A1CF: variants seen among roughly 807,000 people sequenced by gnomAD.
The protein encoded by A1CF is APOBEC-1 stimulating protein.
A1CF carries 48 observed loss-of-function variants against 68.9 expected under a neutral mutation model. The observed-to-expected ratio is 0.70, with a 90% CI of 0.55 to 0.89. The LOEUF (loss-of-function observed/expected upper bound fraction) is 0.89. A1CF is among the 40% of genes least tolerant of loss of function. The probability of loss-of-function intolerance (pLI) is 0.00; values close to 1 mark genes in which losing one functional copy is unlikely to be tolerated. For missense variants in A1CF, 653 were observed against 718.9 expected (o/e 0.91, Z 1.05); for synonymous variants, 272 against 260.4 (o/e 1.04, Z -0.43).
At chr10:50,846,485 TAA>T in intron 3 of A1CF, among the ~76,000 whole-genome samples, 1 of 152,330 alleles carries the variant, frequency 6.6e-6, no homozygotes, top group African/African-American at 2.4e-5. Flanking sequence ...TTGATGTCTG[TAA>T]CATTCAACAG....
In A1CF at chr10:50,836,103, G is replaced by A; in HGVS notation, c.575C>T (p.Ala192Val). The A allele has an allele frequency of 6.2e-7, 1 of 1,612,050 alleles. No individual in the cohort carries two copies. Among genetic ancestry groups the A allele is most frequent in the East Asian group, 2.2e-5 (1 of 44,790 alleles). The change falls in exon 6 of 13, where the codon GCT (alanine) becomes GTT (valine). Residue 192 changes from alanine to valine, a missense_variant. Coordinates refer to ENST00000373997, the MANE Select transcript of A1CF (RefSeq NM_014576.4). ...TAGCAGTTTCCTCCTCGCCATGGCA[G>A]CTGCTCGATGACTCTCATACTCCAC... ...AFVEYESHRA[A>V]AMARRKLLPG... is the part of the protein sequence containing the mutation.
At chr10:50,852,073 A>G (rs928333103) in intron 3 of A1CF, among the ~76,000 whole-genome samples, 4 of 152,246 alleles carry the variant, frequency 2.6e-5, no homozygotes, top group Non-Finnish European at 4.4e-5. Flanking sequence ...TGCGCAGTCC[A>G]AAGTCCACAA....
At chr10:50,827,987 C>T (rs571512867) in intron 7 of A1CF, 144 bp downstream of exon 7, 38 of 457,806 alleles carry the variant, frequency 8.3e-5, no homozygotes, top group African/African-American at 5.4e-4. Context: ...ATACAAACTA[C>T]CGTCAGAGAA....
intron 1 of A1CF, among the ~76,000 whole-genome samples, chr10:50,874,545 A>G (rs995598980): frequency 6.6e-6 from 1 of 152,212 alleles, no homozygotes; most frequent in African/African-American, 2.4e-5. Context: ...ATCTTGTTGC[A>G]ATAGTACGAG....
rs370793727 is a variant in A1CF at position 50,880,380 on chromosome 10, T to G, written c.-94+5201A>C. 2.6e-5 allele frequency among the ~76,000 whole-genome samples: 4 copies of G among 152,294 alleles called. No individual in the cohort carries two copies. The South Asian group carries it at 6.2e-4, about 24-fold the overall frequency. ...TAGAGTGATGGAGGATTAAATGAGTTAACCTATGTGCCTGGCATGTGGCAG... is the reference window on the plus strand; with the variant it reads ...TAGAGTGATGGAGGATTAAATGAGTGAACCTATGTGCCTGGCATGTGGCAG... On this transcript the variant is annotated intron_variant, in intron 1 of 12. Coordinates refer to ENST00000373997, the MANE Select transcript of A1CF (RefSeq NM_014576.4).
chr10:50,815,257 A>G (rs1838309944), intron 9 of A1CF, among the ~76,000 whole-genome samples: 1 of 152,220 alleles, frequency 6.6e-6, no homozygotes, highest in African/African-American at 2.4e-5. Flanking sequence ...TCTTGGAAAT[A>G]GAATAAAGGC....
rs541958292 is a variant in A1CF at position 50,803,598 on chromosome 10, G to C, written c.*3131C>G. 6.6e-6 allele frequency: 1 copy of C among 152,298 alleles called. No individual in the cohort carries two copies. The highest frequency in any genetic ancestry group is 1.9e-4 in the East Asian group (1 of 5,186). The allele number at this position is 152,298 out of a possible 1,614,324, so 9.4% of individuals were successfully genotyped here. A position where few individuals can be genotyped will look rare whatever the true frequency, so the allele number is the denominator to read the frequency against. On this transcript the variant is annotated 3_prime_UTR_variant, in exon 13 of 13. Coordinates refer to ENST00000373997, the MANE Select transcript of A1CF (RefSeq NM_014576.4). ...CAGTGGGAGAGAAATAAAGCAATTT[G>C]AGAAGAGGCAGCACTTTTATAGGAA... is the stretch of plus-strand genomic sequence containing the variant.
At chr10:50,806,994 T>A in intron 12 of A1CF, 114 bp from the exon 13 acceptor site, 2 of 1,072,638 alleles carry the variant, frequency 1.9e-6, no homozygotes, top group Non-Finnish European at 2.6e-6. Flanking sequence ...AAGCTAAAAG[T>A]TAATATATAT....
chr10:50,807,222 G>A (rs1837874705), intron 12 of A1CF, among the ~76,000 whole-genome samples: 3 of 152,218 alleles, frequency 2.0e-5, no homozygotes, highest in Middle Eastern at 3.4e-3. Flanking sequence ...AGCGTTTTGA[G>A]GGTCTCCAAA....
chr10:50,814,364 C>G (rs888976176), intron 9 of A1CF, among the ~76,000 whole-genome samples: 2 of 152,050 alleles, frequency 1.3e-5, no homozygotes, highest in East Asian at 3.9e-4. Flanking sequence ...TTTAGGTAAC[C>G]TTGATATTTT....
rs1195530406 is a variant in A1CF, at chr10:50,803,494, C to T, written c.*3235G>A. 6.6e-6 allele frequency: 1 copy of T among 152,144 alleles called. No individual in the cohort carries two copies. Among genetic ancestry groups the T allele is most frequent in the South Asian group, 2.1e-4 (1 of 4,834 alleles). The allele number at this position is 152,144 out of a possible 1,614,324, so 9.4% of individuals were successfully genotyped here. A position where few individuals can be genotyped will look rare whatever the true frequency, so the allele number is the denominator to read the frequency against. ...AAACATAGTGTTGTTTGGCATGATA[C>T]CAGATTGGAGGATATCCTAGTCATC... On this transcript the variant is annotated 3_prime_UTR_variant, in exon 13 of 13. Transcript: ENST00000373997.
At position 50,799,709 on chromosome 10, in the gene A1CF, A is replaced by T. The variant is rs2132276613; in HGVS notation, c.*7020T>A. ...TGTCTCTTTTTTGGTACCTCAGCTAACTAACTTCACATAAATAAAAATAAT... is the reference window on the plus strand; with the variant it reads ...TGTCTCTTTTTTGGTACCTCAGCTATCTAACTTCACATAAATAAAAATAAT... On this transcript the variant is annotated 3_prime_UTR_variant, in exon 13 of 13. Coordinates refer to ENST00000373997, the MANE Select transcript of A1CF (RefSeq NM_014576.4). The T allele has an allele frequency of 6.6e-6, 1 of 152,280 alleles. No homozygotes were observed. The highest frequency in any genetic ancestry group is 3.4e-3 in the Middle Eastern group (1 of 294). 9.4% of individuals were successfully genotyped at this position (152,280 alleles called of 1,614,324 possible). A position where few individuals can be genotyped will look rare whatever the true frequency, so the allele number is the denominator to read the frequency against.
chr10:50,874,821 T>C (rs1177137241), intron 1 of A1CF, among the ~76,000 whole-genome samples: 1 of 152,132 alleles, frequency 6.6e-6, no homozygotes, highest in East Asian at 1.9e-4. Flanking sequence ...CAGGTGCCAA[T>C]AGCCATGACA....
chr10:50,856,763 A>G (rs1184472674), intron 3 of A1CF, among the ~76,000 whole-genome samples: 1 of 152,130 alleles, frequency 6.6e-6, no homozygotes, highest in Non-Finnish European at 1.5e-5. Flanking sequence ...CAAAGCAGAT[A>G]GAATATTTTT....
At chr10:50,859,208 T>A (rs1481119739) in intron 3 of A1CF, among the ~76,000 whole-genome samples, 2 of 152,190 alleles carry the variant, frequency 1.3e-5, no homozygotes, top group South Asian at 2.1e-4. Flanking sequence ...TACATTTTTT[T>A]AAATGCAGCA....
chr10:50,814,967 G>A (rs1383125102), intron 9 of A1CF, among the ~76,000 whole-genome samples: 1 of 152,164 alleles, frequency 6.6e-6, no homozygotes, highest in East Asian at 1.9e-4. Context: ...AAGTAATTAT[G>A]AGTATGAAAC....
In A1CF at chr10:50,801,900, A is replaced by G. The variant is rs1374659691; in HGVS notation, c.*4829T>C. ...TTTTAGCTTTCCTACAAAACCAAGG[A>G]GAACTGGGGGCACATAAAGTTTGCA... On this transcript the variant is annotated 3_prime_UTR_variant, in exon 13 of 13. Transcript: ENST00000373997. 5 of 152,138 alleles carry G rather than the reference A, an allele frequency of 3.3e-5. No homozygotes were observed. The highest frequency in any genetic ancestry group is 1.2e-4 in the African/African-American group (5 of 41,434). 9.4% of individuals were successfully genotyped at this position (152,138 alleles called of 1,614,324 possible).
At chr10:50,826,063 AC>A (rs1838914272) in intron 7 of A1CF, among the ~76,000 whole-genome samples, 1 of 151,984 alleles carries the variant, frequency 6.6e-6, no homozygotes, top group African/African-American at 2.4e-5. Flanking sequence ...AGGCTGAGAA[AC>A]CCTGCATCAG....
At position 50,851,211 on chromosome 10, in the gene A1CF, TTA is replaced by T. The variant is rs1840226102; in HGVS notation, c.100-7091_100-7090del. 3.9e-5 allele frequency among the ~76,000 whole-genome samples: 6 copies of T among 152,330 alleles called. No individual in the cohort carries two copies. In the South Asian group the frequency reaches 1.2e-3, roughly 32 times the overall value. On this transcript the variant is annotated intron_variant, in intron 3 of 12. Transcript: ENST00000373997. ...GGCACTAAATCTATTCTGACTTTAATTATTTCATCTATGAAGGAGTAGGAGGG... is the reference window on the plus strand; with the variant it reads ...GGCACTAAATCTATTCTGACTTTAATTTTCATCTATGAAGGAGTAGGAGGG...
Sources: allele counts gnomAD v4.1 joint callset (sites outside exome capture counted in the v4.1 genomes callset), GRCh38; gene constraint gnomAD v4.1.1; transcripts MANE v1.5; gene names NCBI Gene and HGNC (gene_info 2026-07-23, HGNC 2026-07-21).